The following KANSL1 variants were observed in gnomAD, a reference collection of about 807,000 sequenced individuals.
KANSL1 encodes the protein MLL1/MLL complex subunit KANSL1.
A neutral mutation model predicts 103.6 loss-of-function variants in KANSL1; 22 were observed. The ratio of observed to expected loss-of-function variants is 0.21; its 90% CI spans 0.15 to 0.30. The LOEUF is 0.30. Ranked by LOEUF, KANSL1 falls within the 10% of genes least tolerant of loss-of-function variation. KANSL1 has a pLI of 1.00. For missense variants in KANSL1, 1,337 were observed against 1,399.8 expected (o/e 0.96, Z 0.72); for synonymous variants, 600 against 527.6 (o/e 1.14, Z -1.88).
intron 4 of KANSL1, among the ~76,000 whole-genome samples, chr17:46,076,137 G>T (rs1361980875): frequency 6.6e-6 from 1 of 152,162 alleles, no homozygotes; most frequent in Non-Finnish European, 1.5e-5. Flanking sequence ...TTGTAAGAAG[G>T]CTAGAAATCA....
At chr17:46,090,794 C>G (rs968271791) in intron 3 of KANSL1, among the ~76,000 whole-genome samples, 58 of 152,190 alleles carry the variant, frequency 3.8e-4, no homozygotes, top group African/African-American at 1.4e-3. Context: ...TAGCACAAAG[C>G]ACTACTCCTG....
chr17:46,152,387 T>C (rs2045156641), intron 2 of KANSL1, among the ~76,000 whole-genome samples: 1 of 152,190 alleles, frequency 6.6e-6, no homozygotes, highest in Non-Finnish European at 1.5e-5. Flanking sequence ...AACCTAAAAC[T>C]ATCAAGAAAA....
intron 1 of KANSL1, among the ~76,000 whole-genome samples, chr17:46,215,766 T>G (rs2148043043): frequency 6.6e-6 from 1 of 152,310 alleles, no homozygotes; most frequent in African/African-American, 2.4e-5. Flanking sequence ...GATGGCCAGA[T>G]GCAGTGGCTC....
intron 1 of KANSL1, among the ~76,000 whole-genome samples, chr17:46,219,194 G>C (rs2048436709): frequency 6.6e-6 from 1 of 151,196 alleles, no homozygotes; most frequent in Non-Finnish European, 1.5e-5. Context: ...AACCCAGGAA[G>C]TGGAGGTTGC....
intron 2 of KANSL1, among the ~76,000 whole-genome samples, chr17:46,100,841 A>G (rs1301082597): frequency 6.6e-6 from 1 of 152,256 alleles, no homozygotes; most frequent in Non-Finnish European, 1.5e-5. Context: ...CATTAAGGCA[A>G]CAAACATGCC....
At chr17:46,090,948 TTATG>T (rs780784928) in intron 3 of KANSL1, among the ~76,000 whole-genome samples, 3 of 152,258 alleles carry the variant, frequency 2.0e-5, no homozygotes, top group Non-Finnish European at 4.4e-5. Flanking sequence ...ATAAAAAGTG[TTATG>T]TATTTACTAT....
At chr17:46,178,744 T>C (rs897141221) in intron 1 of KANSL1, among the ~76,000 whole-genome samples, 6 of 152,248 alleles carry the variant, frequency 3.9e-5, no homozygotes, top group South Asian at 2.1e-4. Flanking sequence ...TCACAACGTA[T>C]TGCATCATAC....
chr17:46,091,162 G>C (rs1007796203), intron 3 of KANSL1, among the ~76,000 whole-genome samples: 6 of 152,110 alleles, frequency 3.9e-5, no homozygotes, highest in African/African-American at 1.4e-4. Context: ...GACCCCATGT[G>C]GGCCTACGTT....
intron 2 of KANSL1, among the ~76,000 whole-genome samples, chr17:46,113,793 C>T (rs17660936): frequency 0.14 from 21,661 of 151,918 alleles, 2,122 homozygotes; most frequent in Non-Finnish European, 0.22. Context: ...CAATTCATTT[C>T]AGATGTTTCA....
chr17:46,152,382 A>G (rs191050440), intron 2 of KANSL1, among the ~76,000 whole-genome samples: 1,577 of 152,328 alleles, frequency 0.01, 14 homozygotes, highest in Non-Finnish European at 0.018. Flanking sequence ...ATAAAAACCT[A>G]AAACTATCAA....
chr17:46,150,046 T>A (rs377406713), intron 2 of KANSL1, among the ~76,000 whole-genome samples: 280 of 73,640 alleles, frequency 3.8e-3, no homozygotes, highest in Non-Finnish European at 6.9e-3. Context: ...AAATAAAAAA[T>A]AAAAGTCACT....
intron 1 of KANSL1, among the ~76,000 whole-genome samples, chr17:46,174,363 T>G (rs2046424274): frequency 6.6e-6 from 1 of 152,152 alleles, no homozygotes; most frequent in Non-Finnish European, 1.5e-5. Context: ...TTTTGTATTT[T>G]TAGTAGAGAC....
intron 1 of KANSL1, among the ~76,000 whole-genome samples, chr17:46,202,496 G>A (rs1014102742): frequency 1.1e-4 from 17 of 152,178 alleles, no homozygotes; most frequent in African/African-American, 3.6e-4. Context: ...GTACTTTAAG[G>A]AAAGATAAAG....
chr17:46,141,648 T>A (rs1355480936), intron 2 of KANSL1, among the ~76,000 whole-genome samples: 1 of 152,050 alleles, frequency 6.6e-6, no homozygotes, highest in East Asian at 1.9e-4. Flanking sequence ...GAATACAGTA[T>A]CCTCACAAAA....
intron 2 of KANSL1, among the ~76,000 whole-genome samples, chr17:46,110,560 T>C (rs896353500): frequency 9.8e-5 from 15 of 152,340 alleles, no homozygotes; most frequent in Admixed American, 6.5e-4. Context: ...AGTTGGAATA[T>C]ACAAATTTAC....
intron 2 of KANSL1, among the ~76,000 whole-genome samples, chr17:46,130,901 G>A (rs2043834020): frequency 6.6e-6 from 1 of 152,214 alleles, no homozygotes; most frequent in Non-Finnish European, 1.5e-5. Flanking sequence ...AGTCCTCACT[G>A]TAAAATAAAC....
Position 46,094,656 on chromosome 17 carries a change from A to G in KANSL1, c.1335T>C (p.Ile445=). The change falls in exon 3 of 15, where the codon ATT becomes ATC. Residue 445 remains isoleucine, a synonymous_variant. Transcript: ENST00000432791. ...CCTGAAGCCAGTTCCAGCGGCTGACAATAGCTGCCCGGTCTGCAGCCCATT... is the reference window on the plus strand; with the variant it reads ...CCTGAAGCCAGTTCCAGCGGCTGACGATAGCTGCCCGGTCTGCAGCCCATT... The part of the protein sequence containing the change: ...EWKWAADRAA[I]VSRWNWLQAH... 6.2e-7 allele frequency: 1 copy of G among 1,614,218 alleles called. No individual in the cohort carries two copies.
chr17:46,205,311 T>C lies in KANSL1; in HGVS notation c.-90+18360A>G, dbSNP rs906531790. Among the ~76,000 whole-genome samples, 27 of 152,026 alleles carry C rather than the reference T, an allele frequency of 1.8e-4. 1 individual carries two copies. Among genetic ancestry groups the C allele is most frequent in the African/African-American group, 5.3e-4 (22 of 41,348 alleles). On this transcript the variant is annotated intron_variant, in intron 1 of 14. Coordinates refer to the KANSL1 transcript ENST00000572904. ...TATACAAGTAGTAATCGTATTTCTA[T>C]ACACAAGCAATAAGCAATCTGAACA...
intron 2 of KANSL1, among the ~76,000 whole-genome samples, chr17:46,105,888 CACACAGAGCAAGGCCTTG>C (rs1173104241): frequency 4.8e-5 from 6 of 124,702 alleles, no homozygotes; most frequent in South Asian, 4.7e-4. Flanking sequence ...CACACACACA[CACACAGAGCAAGGCCTTG>C]ACACACACAC....
Sources: allele counts gnomAD v4.1 joint callset (sites outside exome capture counted in the v4.1 genomes callset), GRCh38; gene constraint gnomAD v4.1.1; transcripts MANE v1.5; gene names NCBI Gene and HGNC (gene_info 2026-07-23, HGNC 2026-07-21).